PDE1C: variants seen among roughly 807,000 people sequenced by gnomAD.
The protein encoded by PDE1C is phosphodiesterase 1C, also known as dual specificity calcium/calmodulin-dependent 3',5'-cyclic nucleotide phosphodiesterase 1C.
A neutral mutation model predicts 93.1 loss-of-function variants in PDE1C; 62 were observed. The ratio of observed to expected loss-of-function variants is 0.67; its 90% CI spans 0.54 to 0.82. The LOEUF (loss-of-function observed/expected upper bound fraction) is 0.82. Among genes scored for constraint, PDE1C ranks in the 40% least tolerant of loss-of-function variants. PDE1C has a pLI of 0.00. For missense variants in PDE1C, 742 were observed against 884.6 expected, an observed-to-expected ratio of 0.84 and a Z score of 2.04; for synonymous variants, 325 against 310.1, an observed-to-expected ratio of 1.05 and a Z score of -0.50.
At chr7:31,797,198 C>T (rs1044801668) in intron 16 of PDE1C, among the ~76,000 whole-genome samples, 9 of 151,790 alleles carry the variant, frequency 5.9e-5, no homozygotes, top group South Asian at 2.1e-4. Context: ...GTTCTTATGA[C>T]GACTTAATTG....
intron 9 of PDE1C, among the ~76,000 whole-genome samples, chr7:31,847,164 G>T (rs2128793165): frequency 6.6e-6 from 1 of 152,202 alleles, no homozygotes; most frequent in African/African-American, 2.4e-5. Context: ...GAGACAAAGT[G>T]TGCTAAGCAT....
the PDE1C span, among the ~76,000 whole-genome samples, chr7:31,650,463 G>A: frequency 2.0e-5 from 3 of 152,182 alleles, no homozygotes; most frequent in Non-Finnish European, 4.4e-5. Context: ...CAGCCTGAGA[G>A]AGAAAGTAAG....
intron 2 of PDE1C, among the ~76,000 whole-genome samples, chr7:31,894,786 T>C (rs376096269): frequency 3.3e-5 from 5 of 152,256 alleles, no homozygotes; most frequent in African/African-American, 1.2e-4. Flanking sequence ...GTTGTGTTTA[T>C]ATTTCCCCCA....
At chr7:32,162,147 T>C (rs1261418607) in intron 3 of PDE1C, among the ~76,000 whole-genome samples, 1 of 152,190 alleles carries the variant, frequency 6.6e-6, no homozygotes, top group African/African-American at 2.4e-5. Context: ...TTGTAGTTTC[T>C]TTAATCTCAA....
At chr7:31,623,459 T>G in the PDE1C span, among the ~76,000 whole-genome samples, 1 of 151,090 alleles carries the variant, frequency 6.6e-6, no homozygotes, top group African/African-American at 2.4e-5. Flanking sequence ...TATACGCAAA[T>G]CAATAAATGT....
intron 3 of PDE1C, among the ~76,000 whole-genome samples, chr7:32,149,621 A>G (rs2128788933): frequency 6.6e-6 from 1 of 152,302 alleles, no homozygotes; most frequent in Admixed American, 6.5e-5. Context: ...TAATTTTTTT[A>G]TATTTGTGGA....
intron 1 of PDE1C, among the ~76,000 whole-genome samples, chr7:32,221,084 G>A (rs1806823220): frequency 6.6e-6 from 1 of 152,084 alleles, no homozygotes; most frequent in Admixed American, 6.6e-5. Context: ...TCCAACATTT[G>A]AGGACAACTG....
intron 1 of PDE1C, among the ~76,000 whole-genome samples, chr7:32,278,052 A>G (rs1811395153): frequency 6.7e-6 from 1 of 148,464 alleles, no homozygotes; most frequent in African/African-American, 2.5e-5. Context: ...CAAGTGTGAA[A>G]AGGGAATTGG....
intron 2 of PDE1C, among the ~76,000 whole-genome samples, chr7:32,004,908 C>T (rs1009509936): frequency 6.6e-6 from 1 of 152,252 alleles, no homozygotes; most frequent in African/African-American, 2.4e-5. Context: ...GTGAAGAAAT[C>T]TAGATTGTTA....
chr7:31,991,864 C>T (rs947828845), intron 2 of PDE1C, among the ~76,000 whole-genome samples: 4 of 152,126 alleles, frequency 2.6e-5, no homozygotes, highest in African/African-American at 9.7e-5. Context: ...CTTCCTTTTC[C>T]CTGGACACAG....
At chr7:32,209,760 T>C (rs559803934) in intron 1 of PDE1C, among the ~76,000 whole-genome samples, 1 of 152,336 alleles carries the variant, frequency 6.6e-6, no homozygotes, top group South Asian at 2.1e-4. Flanking sequence ...TTAGAATATT[T>C]GGATGAAGCT....
At chr7:31,854,823 T>C (rs557683285) in intron 7 of PDE1C, among the ~76,000 whole-genome samples, 11 of 152,084 alleles carry the variant, frequency 7.2e-5, no homozygotes, top group Non-Finnish European at 1.6e-4. Context: ...TCCCAGCACT[T>C]TGGGAGGCCA....
chr7:32,144,162 G>A (rs1800690475), intron 3 of PDE1C, among the ~76,000 whole-genome samples: 1 of 152,146 alleles, frequency 6.6e-6, no homozygotes, highest in Non-Finnish European at 1.5e-5. Context: ...GCAACAGAGA[G>A]ACAGAGAGAC....
chr7:31,860,368 G>A (rs1794545981), intron 7 of PDE1C, among the ~76,000 whole-genome samples: 1 of 152,134 alleles, frequency 6.6e-6, no homozygotes, highest in South Asian at 2.1e-4. Context: ...CGTCAATAGT[G>A]CTGAGGTTGA....
Position 32,418,592 on chromosome 7 carries a change from A to G in PDE1C, c.310+9230T>C, listed in dbSNP as rs188285180. On this transcript the variant is annotated intron_variant, in intron 1 of 1. Coordinates refer to the PDE1C transcript ENST00000672256. ...CAGATATGGGAAGATACGGCAGCAC[A>G]CATTTCCAGATTAAGATTCACTTTT... is the stretch of plus-strand genomic sequence containing the variant. Among the ~76,000 whole-genome samples, 10 of 152,118 alleles carry G rather than the reference A, an allele frequency of 6.6e-5. No homozygotes were observed. The East Asian group carries it at 1.9e-3, about 29-fold the overall frequency.
chr7:31,621,921 C>A, the PDE1C span, among the ~76,000 whole-genome samples: 569 of 150,666 alleles, frequency 3.8e-3, 4 homozygotes, highest in African/African-American at 0.012. Context: ...TCTACCAAGC[C>A]AATGGAAAAC....
rs1583921792 is a variant in PDE1C, at chr7:31,752,750, T to C, written c.*634A>G. 1.3e-5 allele frequency: 2 copies of C among 152,248 alleles called. No homozygotes were observed. Among genetic ancestry groups the C allele is most frequent in the Non-Finnish European group, 2.9e-5 (2 of 68,018 alleles). The allele number at this position is 152,248 out of a possible 1,614,324, so 9.4% of individuals were successfully genotyped here. On this transcript the variant is annotated 3_prime_UTR_variant, in exon 18 of 18. Transcript: ENST00000396191. ...CAATCTTCATGAGGCACAAAAATCT[T>C]TTTTTGTTTTTTAACTTGGATTTGC...
chr7:31,838,056 G>A, intron 9 of PDE1C, 85 bp from the exon 10 acceptor site: 1 of 833,032 alleles, frequency 1.2e-6, no homozygotes, highest in South Asian at 1.5e-5. Flanking sequence ...CACTGCTAAT[G>A]AAAATCAGTC....
At chr7:31,776,207 C>A (rs780639175) in intron 16 of PDE1C, among the ~76,000 whole-genome samples, 4 of 152,168 alleles carry the variant, frequency 2.6e-5, no homozygotes, top group Non-Finnish European at 4.4e-5. Context: ...TCCTTATAGG[C>A]TTTACTTGCT....
Sources: gnomAD v4.1 joint callset for allele counts (sites outside exome capture counted in the v4.1 genomes callset) on GRCh38, gnomAD v4.1.1 for gene constraint, MANE v1.5 for transcripts, NCBI Gene and HGNC (gene_info 2026-07-23, HGNC 2026-07-21) for gene names.